Variants in LRRFIP1 observed in about 807,000 individuals in gnomAD.
The protein encoded by LRRFIP1 is leucine-rich repeat flightless-interacting protein 1.
In LRRFIP1, 62 loss-of-function variants were observed where a neutral mutation model predicts 104.4. That is an observed-to-expected ratio of 0.59 (90% CI 0.48 to 0.73). The LOEUF (loss-of-function observed/expected upper bound fraction) is 0.73, where lower values mean the gene tolerates loss of function less well. Ranked by LOEUF, LRRFIP1 falls within the 30% of genes least tolerant of loss-of-function variation. The pLI is 0.00. For synonymous variants in LRRFIP1, 300 were observed against 299.0 expected, an observed-to-expected ratio of 1.00 and a Z score of -0.03; for missense variants, 796 against 824.5, an observed-to-expected ratio of 0.97 and a Z score of 0.42.
In LRRFIP1 at chr2:237,735,132, C is replaced by T; in HGVS notation, c.490-136C>T. ...CCTTTGAAGAGCTGGAAAGGTGGTTCTCAGCCTCCCCTGCATGCTTTTTCA... is the reference window on the plus strand; with the variant it reads ...CCTTTGAAGAGCTGGAAAGGTGGTTTTCAGCCTCCCCTGCATGCTTTTTCA... On this transcript the variant is annotated intron_variant, in intron 9 of 23. Coordinates refer to ENST00000308482, the MANE Select transcript of LRRFIP1 (RefSeq NM_001137550.2). This position sits in a 1 kb window ranked among gnomAD's most constrained non-coding sequence, Gnocchi z 4.6. 1.5e-6 allele frequency: 1 copy of T among 647,228 alleles called. No individual in the cohort carries two copies. The highest frequency in any genetic ancestry group is 2.7e-6 in the Non-Finnish European group (1 of 376,398). 40.1% of individuals were successfully genotyped at this position (647,228 alleles called of 1,614,324 possible).
chr2:237,750,544 C>G (rs1179323747), intron 13 of LRRFIP1, among the ~76,000 whole-genome samples: 1 of 151,906 alleles, frequency 6.6e-6, no homozygotes, highest in Non-Finnish European at 1.5e-5. Context: ...GCCATGTTGG[C>G]CAGGCTGGTC....
chr2:237,741,653 T>C (rs60501244), intron 11 of LRRFIP1, among the ~76,000 whole-genome samples: 7,394 of 151,528 alleles, frequency 0.049, 201 homozygotes, highest in Middle Eastern at 0.13. Flanking sequence ...CATGGAGAAA[T>C]CCCATCTCTA....
At chr2:237,697,203 A>G (rs1333833676) in intron 1 of LRRFIP1, among the ~76,000 whole-genome samples, 1 of 151,946 alleles carries the variant, frequency 6.6e-6, no homozygotes. Flanking sequence ...TTGTATTTTT[A>G]GTAGAGATGG....
intron 1 of LRRFIP1, among the ~76,000 whole-genome samples, chr2:237,695,592 T>A (rs2093123089): frequency 6.6e-6 from 1 of 152,196 alleles, no homozygotes; most frequent in African/African-American, 2.4e-5. Flanking sequence ...CTGCTCGTAT[T>A]TAAAGGAGTG....
intron 1 of LRRFIP1, among the ~76,000 whole-genome samples, chr2:237,635,082 G>T (rs1330280832): frequency 6.6e-6 from 1 of 152,096 alleles, no homozygotes; most frequent in Non-Finnish European, 1.5e-5. Context: ...CATATTATCT[G>T]CCTTCTTGGA....
chr2:237,736,350 G>A (rs1036140524), intron 10 of LRRFIP1, among the ~76,000 whole-genome samples: 1 of 152,126 alleles, frequency 6.6e-6, no homozygotes, highest in South Asian at 2.1e-4. Flanking sequence ...TTCCCAGTTG[G>A]TAAACATTTT....
chr2:237,759,150 A>G (rs2059601257), intron 18 of LRRFIP1, among the ~76,000 whole-genome samples: 1 of 152,154 alleles, frequency 6.6e-6, no homozygotes, highest in African/African-American at 2.4e-5. Flanking sequence ...TTGCCTCTTT[A>G]TATTAAAACC....
chr2:237,634,519 C>A (rs576596846), intron 1 of LRRFIP1, among the ~76,000 whole-genome samples: 3 of 152,280 alleles, frequency 2.0e-5, no homozygotes, highest in East Asian at 3.9e-4. Context: ...CCTCAGTTCC[C>A]CCATAGGTAA....
chr2:237,772,024 T>C, intron 20 of LRRFIP1, 57 bp from the exon 21 acceptor site: 1 of 1,279,154 alleles, frequency 7.8e-7, no homozygotes, highest in Non-Finnish European at 1.1e-6. Flanking sequence ...TAACTTCAGC[T>C]TTTCGGTCTC....
chr2:237,656,546 C>G (rs930396986), intron 1 of LRRFIP1, among the ~76,000 whole-genome samples: 1 of 152,180 alleles, frequency 6.6e-6, no homozygotes, highest in African/African-American at 2.4e-5. Context: ...TGGCCCTGAG[C>G]TCTCTCAAGA....
chr2:237,627,717 G>C lies in LRRFIP1; in HGVS notation c.73G>C (p.Ala25Pro), dbSNP rs1044691569. 7.4e-7 allele frequency: 1 copy of C among 1,351,506 alleles called. No homozygotes were observed. 83.7% of individuals were successfully genotyped at this position (1,351,506 alleles called of 1,614,324 possible). The change falls in exon 1 of 24, where the codon GCG (alanine) becomes CCG (proline). Residue 25 changes from alanine to proline, a missense_variant. Physicochemically the swap from Ala to Pro is conservative, Grantham distance 27. Coordinates refer to ENST00000308482, the MANE Select transcript of LRRFIP1 (RefSeq NM_001137550.2). The stretch of plus-strand genomic sequence containing the variant: ...GGAGCGGCTCACGGCGGAGGACGAC[G>C]CGCTCAACCAGATCGCGCGGGAGGT... ...NRERLTAEDD[A>P]LNQIAREAEA...
intron 2 of LRRFIP1, 57 bp from the exon 3 acceptor site, chr2:237,714,202 G>T: frequency 8.0e-7 from 1 of 1,253,368 alleles, no homozygotes; most frequent in Non-Finnish European, 1.1e-6. Context: ...TCATTCTGAT[G>T]TTACTGCTTC....
intron 1 of LRRFIP1, among the ~76,000 whole-genome samples, chr2:237,653,450 A>T (rs2086272098): frequency 6.6e-6 from 1 of 152,252 alleles, no homozygotes; most frequent in African/African-American, 2.4e-5. Flanking sequence ...CAATCTACAG[A>T]TTCAATGCAG....
rs1456945898 is a variant in LRRFIP1 at position 237,756,983 on chromosome 2, G to A, written c.1132-473G>A. ...TGGAGCGATGCGAGAGAGGGGCCAT[G>A]AGCCAAGGAAAGCAGCTCAGTCTTA... On this transcript the variant is annotated intron_variant, in intron 16 of 23. Transcript: ENST00000308482. Among the ~76,000 whole-genome samples, 4 of 151,646 alleles carry A rather than the reference G, an allele frequency of 2.6e-5. No individual in the cohort carries two copies. The South Asian group carries it at 6.2e-4, about 24-fold the overall frequency.
Position 237,717,789 on chromosome 2 carries a change from G to A in LRRFIP1, c.229G>A (p.Gly77Ser). Residue 77 changes from glycine to serine, a missense_variant, in exon 4 of 24, where the codon GGT becomes AGT. Transcript: ENST00000308482. This position sits in a 1 kb window ranked among gnomAD's most constrained non-coding sequence, Gnocchi z 4.2. ...ATATTATGGGCTGGATACAAAATGG[G>A]GTGACATCGAGCAGTGGATGGTAGG... is the stretch of plus-strand genomic sequence containing the variant. The part of the protein sequence containing the change: ...KKYYGLDTKW[G>S]DIEQWMEDSE... 2 of 1,612,892 alleles carry A rather than the reference G, an allele frequency of 1.2e-6. No individual in the cohort carries two copies. Among genetic ancestry groups the A allele is most frequent in the Non-Finnish European group, 1.7e-6 (2 of 1,178,890 alleles).
chr2:237,706,834 C>G (rs901996969), intron 1 of LRRFIP1, among the ~76,000 whole-genome samples: 1 of 152,112 alleles, frequency 6.6e-6, no homozygotes, highest in African/African-American at 2.4e-5. Flanking sequence ...TACCATGTTA[C>G]CCAGGCTGGT....
intron 21 of LRRFIP1, 133 bp from the exon 22 acceptor site, chr2:237,772,733 T>C (rs2060759865): frequency 4.6e-6 from 3 of 654,362 alleles, no homozygotes; most frequent in Non-Finnish European, 8.1e-6. Context: ...CTCTGGGAGG[T>C]TGTGGAGGCA....
At chr2:237,708,161 T>C (rs1267642760) in intron 1 of LRRFIP1, among the ~76,000 whole-genome samples, 2 of 152,238 alleles carry the variant, frequency 1.3e-5, no homozygotes, top group African/African-American at 4.8e-5. Flanking sequence ...AGAAGGAGGC[T>C]GACTGCCCAG....
intron 9 of LRRFIP1, among the ~76,000 whole-genome samples, chr2:237,734,573 CCCAGCCATTAATAACTTTCTGAATTT>C (rs1326815823): frequency 5.3e-5 from 8 of 152,192 alleles, no homozygotes; most frequent in Admixed American, 2.6e-4. Flanking sequence ...AGCCACCACA[CCCAGCCATTAATAACTTTCTGAATTT>C]CCATCAGATT....
Sources: gnomAD v4.1 joint callset for allele counts (sites outside exome capture counted in the v4.1 genomes callset) on GRCh38, gnomAD v4.1.1 for gene constraint, Gnocchi (gnomAD v3.1) non-coding constraint, MANE v1.5 for transcripts, NCBI Gene and HGNC (gene_info 2026-07-23, HGNC 2026-07-21) for gene names.